The following PTPRD variants were observed in gnomAD, a reference collection of about 807,000 sequenced individuals.
PTPRD encodes the protein protein tyrosine phosphatase receptor type D.
A neutral mutation model predicts 214.5 loss-of-function variants in PTPRD; 34 were observed. That is an observed-to-expected ratio of 0.16 (90% confidence interval 0.12 to 0.21). The LOEUF (loss-of-function observed/expected upper bound fraction) is 0.21. PTPRD is among the 10% of genes least tolerant of loss of function. The probability of loss-of-function intolerance (pLI) is 1.00; values close to 1 mark genes in which losing one functional copy is unlikely to be tolerated. For missense variants in PTPRD, 2,545 were observed against 2,398.7 expected, an observed-to-expected ratio of 1.06 and a Z score of -1.27; for synonymous variants, 1,128 against 845.7, an observed-to-expected ratio of 1.33 and a Z score of -5.79.
intron 3 of PTPRD, among the ~76,000 whole-genome samples, chr9:10,296,365 C>T (rs1201941878): frequency 1.3e-5 from 2 of 152,004 alleles, no homozygotes; most frequent in Admixed American, 6.6e-5. Context: ...AAGGACCCCC[C>T]TCACCCAGCC....
intron 35 of PTPRD, among the ~76,000 whole-genome samples, chr9:8,425,998 C>A (rs1535677): frequency 6.6e-6 from 1 of 152,034 alleles, no homozygotes; most frequent in South Asian, 2.1e-4. Flanking sequence ...CACCCTTTAC[C>A]TTCCCCTAAT....
At chr9:8,321,693 TAG>T (rs1197091236) in intron 44 of PTPRD, among the ~76,000 whole-genome samples, 1 of 151,526 alleles carries the variant, frequency 6.6e-6, no homozygotes, top group East Asian at 1.9e-4. Flanking sequence ...CTCTTTTCCT[TAG>T]AGATTATTTT....
chr9:8,508,546 C>G lies in PTPRD; in HGVS notation c.1544-1112G>C, dbSNP rs544334071. ...GGCTGAACATATGTTCATATTCCCT[C>G]AAGTTTAAATAAGAATTCCATTTAT... On this transcript the variant is annotated intron_variant, in intron 21 of 45. Transcript: ENST00000381196. 8.6e-5 allele frequency among the ~76,000 whole-genome samples: 13 copies of G among 151,898 alleles called. No individual in the cohort carries two copies. In the South Asian group the frequency reaches 1.9e-3, roughly 22 times the overall value.
intron 3 of PTPRD, among the ~76,000 whole-genome samples, chr9:10,138,906 T>C (rs113200955): frequency 2.6e-5 from 4 of 152,016 alleles, no homozygotes; most frequent in African/African-American, 7.2e-5. Flanking sequence ...CTCAAAATAA[T>C]AAGAGCCATC....
intron 3 of PTPRD, among the ~76,000 whole-genome samples, chr9:10,287,440 A>C (rs1430997280): frequency 2.0e-5 from 3 of 152,298 alleles, no homozygotes; most frequent in African/African-American, 7.2e-5. Context: ...CAGTCCCCGC[A>C]TGGAGACTGT....
intron 10 of PTPRD, among the ~76,000 whole-genome samples, chr9:9,154,556 C>T (rs573870255): frequency 6.6e-6 from 1 of 152,082 alleles, no homozygotes; most frequent in South Asian, 2.1e-4. Context: ...CTCATTTAAT[C>T]CAAATTATTT....
At position 9,174,720 on chromosome 9, in the gene PTPRD, G is replaced by A. The variant is rs184022183; in HGVS notation, c.-143+8584C>T. Among the ~76,000 whole-genome samples, 32 of 152,256 alleles carry A rather than the reference G, an allele frequency of 2.1e-4. No homozygotes were observed. In the East Asian group the frequency reaches 5.6e-3, roughly 27 times the overall value. On this transcript the variant is annotated intron_variant, in intron 10 of 45. Coordinates refer to ENST00000381196, the MANE Select transcript of PTPRD (RefSeq NM_002839.4). Reference sequence around the variant, plus strand: ...ATATTTCAAAAAGTGATTGAAAAATGTAATTCTGCCTAGAAAAATTTAGGA... The same window carrying A: ...ATATTTCAAAAAGTGATTGAAAAATATAATTCTGCCTAGAAAAATTTAGGA...
intron 10 of PTPRD, among the ~76,000 whole-genome samples, chr9:9,103,540 T>G (rs564853870): frequency 3.9e-5 from 6 of 152,292 alleles, no homozygotes; most frequent in African/African-American, 1.4e-4. Context: ...AGTTCTTGGT[T>G]TCAATGTTGC....
intron 2 of PTPRD, among the ~76,000 whole-genome samples, chr9:10,592,550 T>C (rs965591108): frequency 2.0e-5 from 3 of 151,938 alleles, no homozygotes; most frequent in Admixed American, 2.0e-4. Context: ...TCAATATGTC[T>C]ACTGGTAGTG....
intron 10 of PTPRD, among the ~76,000 whole-genome samples, chr9:9,074,447 A>G (rs535052271): frequency 1.3e-5 from 2 of 152,236 alleles, no homozygotes; most frequent in Admixed American, 1.3e-4. Flanking sequence ...CAGGGTTGAC[A>G]CTGGGATTAT....
chr9:9,580,073 T>C (rs375638001), intron 7 of PTPRD, among the ~76,000 whole-genome samples: 5 of 152,202 alleles, frequency 3.3e-5, no homozygotes, highest in African/African-American at 9.6e-5. Context: ...CTATTGTGTG[T>C]GTATGTCTGC....
intron 2 of PTPRD, among the ~76,000 whole-genome samples, chr9:10,432,537 A>G (rs1359716680): frequency 1.3e-5 from 2 of 151,870 alleles, no homozygotes; most frequent in African/African-American, 4.8e-5. Flanking sequence ...AAAAGCTGGC[A>G]TCTCTAGCTC....
chr9:10,387,820 CTTTTTTTTTTTTTT>C (rs58959929), intron 2 of PTPRD, among the ~76,000 whole-genome samples: 14 of 82,578 alleles, frequency 1.7e-4, no homozygotes, highest in Non-Finnish European at 2.7e-4. Flanking sequence ...AAGATTTTGT[CTTTTTTTTTTTTTT>C]TTTTTTTTTT....
At chr9:9,422,688 G>T (rs758823621) in intron 8 of PTPRD, among the ~76,000 whole-genome samples, 6 of 152,108 alleles carry the variant, frequency 3.9e-5, no homozygotes, top group Non-Finnish European at 8.8e-5. Context: ...CAAATAGCTA[G>T]GGAGACAAAA....
chr9:10,166,861 T>C (rs2099162208), intron 3 of PTPRD, among the ~76,000 whole-genome samples: 1 of 152,150 alleles, frequency 6.6e-6, no homozygotes, highest in African/African-American at 2.4e-5. Flanking sequence ...ATTTCCATCA[T>C]TAATGCTAAT....
At chr9:9,044,255 T>C (rs556383789) in intron 10 of PTPRD, among the ~76,000 whole-genome samples, 1 of 152,226 alleles carries the variant, frequency 6.6e-6, no homozygotes, top group Non-Finnish European at 1.5e-5. Context: ...ACACTCAACA[T>C]GTCACCAAAG....
intron 9 of PTPRD, among the ~76,000 whole-genome samples, chr9:9,312,476 G>T (rs983971631): frequency 1.3e-5 from 2 of 152,030 alleles, no homozygotes; most frequent in Non-Finnish European, 2.9e-5. Flanking sequence ...TTCTGGCATG[G>T]GGCTACTGTC....
chr9:10,555,249 G>C (rs1461046671), intron 2 of PTPRD, among the ~76,000 whole-genome samples: 2 of 152,074 alleles, frequency 1.3e-5, no homozygotes, highest in African/African-American at 4.8e-5. Flanking sequence ...TTATATATTT[G>C]TCAAAGTAAG....
chr9:9,654,151 G>A (rs944034121), intron 7 of PTPRD, among the ~76,000 whole-genome samples: 2 of 152,032 alleles, frequency 1.3e-5, no homozygotes, highest in African/African-American at 4.8e-5. Flanking sequence ...ACATTATAAT[G>A]TTTCTTTGCC....
Sources: gnomAD v4.1 joint callset for allele counts (sites outside exome capture counted in the v4.1 genomes callset) on GRCh38, gnomAD v4.1.1 for gene constraint, MANE v1.5 for transcripts, NCBI Gene and HGNC (gene_info 2026-07-23, HGNC 2026-07-21) for gene names.